RBFOX3: variants seen among roughly 807,000 people sequenced by gnomAD.
RBFOX3 encodes the protein RNA binding protein fox-1 homolog 3.
In RBFOX3, 17 loss-of-function variants were observed where a neutral mutation model predicts 48.7. That is an observed-to-expected ratio of 0.35 (90% confidence interval 0.24 to 0.52). The LOEUF is 0.52. RBFOX3 is among the 20% of genes least tolerant of loss of function. The pLI is 0.94. For synonymous variants in RBFOX3, 212 were observed against 209.5 expected (o/e 1.01, Z -0.10); for missense variants, 382 against 497.5 (o/e 0.77, Z 2.21).
chr17:79,606,808 C>T (rs1211678486), intron 1 of RBFOX3, among the ~76,000 whole-genome samples: 1 of 152,114 alleles, frequency 6.6e-6, no homozygotes, highest in Non-Finnish European at 1.5e-5. Flanking sequence ...AACCAAGAGC[C>T]GTCCTCAACC....
chr17:79,180,658 A>G lies in RBFOX3; in HGVS notation c.-34+55108T>C, dbSNP rs563965772. On this transcript the variant is annotated intron_variant, in intron 4 of 14. Coordinates refer to ENST00000693108, the MANE Select transcript of RBFOX3 (RefSeq NM_001350451.2). ...TTGGGATAAGCGGGTTCCCAAACTAAATGTCGTTATTTGTTTCTTAACGGT... is the reference window on the plus strand; with the variant it reads ...TTGGGATAAGCGGGTTCCCAAACTAGATGTCGTTATTTGTTTCTTAACGGT... 4.6e-5 allele frequency among the ~76,000 whole-genome samples: 7 copies of G among 152,002 alleles called. No individual in the cohort carries two copies. In the East Asian group the frequency reaches 1.2e-3, roughly 25 times the overall value.
intron 4 of RBFOX3, among the ~76,000 whole-genome samples, chr17:79,231,886 T>TA (rs1323530891): frequency 1.3e-5 from 2 of 152,326 alleles, no homozygotes; most frequent in Middle Eastern, 3.4e-3. Context: ...CTCATGCTGC[T>TA]ATGAAGAAAT....
Position 79,254,327 on chromosome 17 carries a change from C to T in RBFOX3, c.-73-18522G>A, listed in dbSNP as rs1242202647. Among the ~76,000 whole-genome samples, 1 of 152,082 alleles carries T rather than the reference C, an allele frequency of 6.6e-6. No homozygotes were observed. Among genetic ancestry groups the T allele is most frequent in the African/African-American group, 2.4e-5 (1 of 41,396 alleles). ...GTTCAGAACCCTGCCCACCCCGCAA[C>T]CCCCAGGTGGCAGCAGGTGAGGAAC... On this transcript the variant is annotated intron_variant, in intron 3 of 14. Transcript: ENST00000693108. The surrounding 1 kb of genome is among the most constrained non-coding windows in gnomAD (Gnocchi z 4.8).
chr17:79,368,576 G>A (rs1046001372), intron 2 of RBFOX3, among the ~76,000 whole-genome samples: 1 of 152,190 alleles, frequency 6.6e-6, no homozygotes, highest in Non-Finnish European at 1.5e-5. Flanking sequence ...CCGTGGGTGG[G>A]TGACCTCATG....
the RBFOX3 span, among the ~76,000 whole-genome samples, chr17:79,663,864 C>T: frequency 2.0e-5 from 3 of 152,150 alleles, no homozygotes; most frequent in Admixed American, 6.6e-5. Context: ...TTTGAATTTA[C>T]GTAGAACAAT....
chr17:79,414,913 A>G (rs2065068526), intron 2 of RBFOX3, among the ~76,000 whole-genome samples: 1 of 152,226 alleles, frequency 6.6e-6, no homozygotes, highest in African/African-American at 2.4e-5. Flanking sequence ...GAGCCAGGGC[A>G]GCGGGAGGGG....
At chr17:79,474,429 G>C (rs2077434167) in intron 2 of RBFOX3, among the ~76,000 whole-genome samples, 1 of 152,180 alleles carries the variant, frequency 6.6e-6, no homozygotes. Flanking sequence ...GGAACACGAG[G>C]ACTAACCCTC....
chr17:79,172,235 G>A (rs1402441676), intron 4 of RBFOX3, among the ~76,000 whole-genome samples: 1 of 149,480 alleles, frequency 6.7e-6, no homozygotes, highest in Non-Finnish European at 1.5e-5. Flanking sequence ...TTTCCCAAAT[G>A]AGGACATTTA....
intron 1 of RBFOX3, among the ~76,000 whole-genome samples, chr17:79,496,050 G>A (rs891115554): frequency 6.6e-6 from 1 of 152,142 alleles, no homozygotes; most frequent in South Asian, 2.1e-4. Flanking sequence ...GCCACAAATG[G>A]AGGGGACTGC....
At chr17:79,268,501 C>A (rs1027156606) in intron 3 of RBFOX3, among the ~76,000 whole-genome samples, 1 of 152,136 alleles carries the variant, frequency 6.6e-6, no homozygotes, top group African/African-American at 2.4e-5. Context: ...CGGGTGGGGA[C>A]GTCTCTTCTG....
At chr17:79,193,424 A>G (rs890155117) in intron 4 of RBFOX3, among the ~76,000 whole-genome samples, 2 of 152,252 alleles carry the variant, frequency 1.3e-5, no homozygotes, top group Admixed American at 1.3e-4. Flanking sequence ...TTGAAGTTGG[A>G]GGAAGCCCCA....
chr17:79,325,728 G>A (rs565069667), intron 2 of RBFOX3, among the ~76,000 whole-genome samples: 7 of 152,118 alleles, frequency 4.6e-5, no homozygotes, highest in South Asian at 2.1e-4. Flanking sequence ...CTCCCCCTCC[G>A]TTGCCTCCCT....
At chr17:79,572,721 C>G (rs1014353744) in intron 1 of RBFOX3, among the ~76,000 whole-genome samples, 1 of 152,192 alleles carries the variant, frequency 6.6e-6, no homozygotes, top group Non-Finnish European at 1.5e-5. Flanking sequence ...GGTTTGCAAA[C>G]GTGCGTGTTT....
At chr17:79,092,256 G>T in intron 14 of RBFOX3, 2 of 985,498 alleles carry the variant, frequency 2.0e-6, no homozygotes, top group Non-Finnish European at 2.4e-6. Flanking sequence ...CAGGTTGGGG[G>T]CTGCCTGGTC....
At chr17:79,656,297 G>A in the RBFOX3 span, among the ~76,000 whole-genome samples, 17 of 152,276 alleles carry the variant, frequency 1.1e-4, no homozygotes, top group South Asian at 3.5e-3. Flanking sequence ...CACATTAATG[G>A]GCGAGGCTGT....
the RBFOX3 span, among the ~76,000 whole-genome samples, chr17:79,620,633 G>A: frequency 8.2e-4 from 6 of 7,282 alleles, no homozygotes; most frequent in East Asian, 0.04. Flanking sequence ...ATGCACACAC[G>A]CACACGCACA....
chr17:79,551,422 G>T (rs2091132309), intron 1 of RBFOX3, among the ~76,000 whole-genome samples: 2 of 151,914 alleles, frequency 1.3e-5, no homozygotes, highest in Non-Finnish European at 2.9e-5. Flanking sequence ...TGGATGGGTG[G>T]ATAGATGGGT....
chr17:79,468,598 G>A (rs2076622284), intron 2 of RBFOX3, among the ~76,000 whole-genome samples: 1 of 151,004 alleles, frequency 6.6e-6, no homozygotes, highest in South Asian at 2.1e-4. Context: ...ATGGATGGAT[G>A]GATGGATAGA....
intron 1 of RBFOX3, among the ~76,000 whole-genome samples, chr17:79,536,772 C>T (rs1227535897): frequency 6.6e-6 from 1 of 152,224 alleles, no homozygotes; most frequent in African/African-American, 2.4e-5. Context: ...AACAAATCAC[C>T]ACAAACTCAC....
Sources: allele counts gnomAD v4.1 joint callset (sites outside exome capture counted in the v4.1 genomes callset), GRCh38; gene constraint gnomAD v4.1.1; non-coding constraint Gnocchi (gnomAD v3.1); transcripts MANE v1.5; gene names NCBI Gene and HGNC (gene_info 2026-07-23, HGNC 2026-07-21).